HARS2: variants seen among roughly 807,000 people sequenced by gnomAD.
HARS2 encodes the protein histidyl-tRNA synthetase 2, mitochondrial.
HARS2 carries 40 observed loss-of-function variants against 62.4 expected under a neutral mutation model. The observed-to-expected ratio is 0.64, with a 90% CI of 0.50 to 0.83. The LOEUF (loss-of-function observed/expected upper bound fraction) is 0.83. HARS2 is among the 40% of genes least tolerant of loss of function. The probability of loss-of-function intolerance (pLI) is 0.00; values close to 1 mark genes in which losing one functional copy is unlikely to be tolerated. For synonymous variants in HARS2, 228 were observed against 227.0 expected (o/e 1.00, Z -0.04); for missense variants, 569 against 626.4 (o/e 0.91, Z 0.98).
chr5:140,698,314 C>T (rs2149857809), intron 12 of HARS2, among the ~76,000 whole-genome samples, 179 bp from the exon 13 acceptor site: 1 of 152,298 alleles, frequency 6.6e-6, no homozygotes, highest in Non-Finnish European at 1.5e-5. Flanking sequence ...AGACATAGAT[C>T]AGGTGTTTGA....
intron 12 of HARS2, 93 bp from the exon 13 acceptor site, chr5:140,698,400 G>A: frequency 2.1e-6 from 2 of 951,062 alleles, no homozygotes; most frequent in Non-Finnish European, 3.5e-6. Context: ...AGTAATGGGA[G>A]AAGATGCAGA....
intron 8 of HARS2, 104 bp from the exon 9 acceptor site, chr5:140,696,828 CTTTTTTTTTTT>C (rs373912206): frequency 1.1e-5 from 7 of 656,542 alleles, no homozygotes; most frequent in African/African-American, 6.9e-5. Context: ...AGACTGGGAT[CTTTTTTTTTTT>C]TTTTTTTTTT....
intron 10 of HARS2, 26 bp downstream of exon 10, chr5:140,697,432 G>C (rs905126529): frequency 6.2e-7 from 1 of 1,613,598 alleles, no homozygotes; most frequent in Non-Finnish European, 8.5e-7. Flanking sequence ...GTGTGAGGTG[G>C]GGCTGGAGAC....
chr5:140,698,616 T>A lies in HARS2; in HGVS notation c.*64T>A. ...GGTTTCCTCTAGAACTGAATTCCTC[T>A]GGAATTGAGTGATGGACTTCACAAC... On this transcript the variant is annotated 3_prime_UTR_variant, in exon 13 of 13. Coordinates refer to ENST00000230771, the MANE Select transcript of HARS2 (RefSeq NM_012208.4). 8.3e-6 allele frequency: 10 copies of A among 1,209,708 alleles called. No homozygotes were observed. Among genetic ancestry groups the A allele is most frequent in the Non-Finnish European group, 9.9e-6 (8 of 809,960 alleles). The allele number at this position is 1,209,708 out of a possible 1,614,324, so 74.9% of individuals were successfully genotyped here.
At position 140,693,898 on chromosome 5, in the gene HARS2, T is replaced by C. The variant is rs368453790; in HGVS notation, c.184-37T>C. ...CCTTGTCTGAAATGGACTTATTTTT[T>C]GTTTTTGTTTTCACTATGGCTGCTT... is the stretch of plus-strand genomic sequence containing the variant. On this transcript the variant is annotated intron_variant, in intron 2 of 12. Coordinates refer to ENST00000230771, the MANE Select transcript of HARS2 (RefSeq NM_012208.4). The C allele has an allele frequency of 2.5e-6, 4 of 1,613,222 alleles. No individual in the cohort carries two copies. The African/African-American group carries it at 5.3e-5, about 22-fold the overall frequency.
chr5:140,693,806 C>G, intron 2 of HARS2, 129 bp from the exon 3 acceptor site: 1 of 1,251,606 alleles, frequency 8.0e-7, no homozygotes, highest in East Asian at 2.3e-5. Context: ...AGGTGCGGCT[C>G]AGAGTCATTT....
chr5:140,697,241 C>G lies in HARS2; in HGVS notation c.1032C>G (p.Thr344=). ...TCTATGAAGCAGTGCTGCTGCAGACCCCAACTCAGGCTGGGGAGGAGCCCC... is the reference window on the plus strand; with the variant it reads ...TCTATGAAGCAGTGCTGCTGCAGACGCCAACTCAGGCTGGGGAGGAGCCCC... The part of the protein sequence containing the change: ...GVIYEAVLLQ[T]PTQAGEEPLN... The change falls in exon 10 of 13, where the codon ACC becomes ACG. Residue 344 remains threonine, a synonymous_variant. Transcript: ENST00000230771. The G allele has an allele frequency of 1.2e-6, 2 of 1,614,124 alleles. No homozygotes were observed. Among genetic ancestry groups the G allele is most frequent in the South Asian group, 1.1e-5 (1 of 91,078 alleles).
chr5:140,695,639 T>G lies in HARS2; in HGVS notation c.525+6T>G, dbSNP rs1265066200. On this transcript the variant is annotated splice_donor_region_variant and intron_variant, in intron 5 of 12. Coordinates refer to ENST00000230771, the MANE Select transcript of HARS2 (RefSeq NM_012208.4). The stretch of plus-strand genomic sequence containing the variant: ...ATAGGGAGTTCTGCCAGTGTGTAAG[T>G]GACCTGATGGGAGCAGCACAGTTTG... 1 of 1,614,206 alleles carries G rather than the reference T, an allele frequency of 6.2e-7. No homozygotes were observed. Among genetic ancestry groups the G allele is most frequent in the Non-Finnish European group, 8.5e-7 (1 of 1,180,028 alleles).
At position 140,697,253 on chromosome 5, in the gene HARS2, T is replaced by A. The variant is rs752027850; in HGVS notation, c.1044T>A (p.Ala348=). The change falls in exon 10 of 13, where the codon GCT becomes GCA. Residue 348 remains alanine (A), a synonymous_variant. Transcript: ENST00000230771. ...TGCTGCTGCAGACCCCAACTCAGGC[T>A]GGGGAGGAGCCCCTGAATGTGGGCA... is the stretch of plus-strand genomic sequence containing the variant. ...EAVLLQTPTQ[A]GEEPLNVGSV... 5 of 1,614,156 alleles carry A rather than the reference T, an allele frequency of 3.1e-6. No individual in the cohort carries two copies. Among genetic ancestry groups the A allele is most frequent in the Middle Eastern group, 1.6e-4 (1 of 6,062 alleles).
intron 1 of HARS2, chr5:140,693,348 A>T (rs1005518651): frequency 1.7e-5 from 12 of 697,520 alleles, no homozygotes; most frequent in Admixed American, 2.9e-5. Flanking sequence ...AAAAAAAAAA[A>T]TCCATATACA....
chr5:140,691,988 T>G, intron 1 of HARS2: 3 of 588,364 alleles, frequency 5.1e-6, no homozygotes, highest in Non-Finnish European at 9.1e-6. Flanking sequence ...GGCTGCAAGA[T>G]TAAATGAATG....
intron 9 of HARS2, 30 bp downstream of exon 9, chr5:140,697,100 T>G: frequency 1.2e-6 from 2 of 1,614,188 alleles, no homozygotes; most frequent in South Asian, 2.2e-5. Context: ...GACCTCCTGC[T>G]GAGCTCTAGG....
chr5:140,699,098 C>A lies in HARS2; in HGVS notation c.*546C>A. 1 of 191,104 alleles carries A rather than the reference C, an allele frequency of 5.2e-6. No individual in the cohort carries two copies. Among genetic ancestry groups the A allele is most frequent in the Non-Finnish European group, 1.1e-5 (1 of 90,570 alleles). The allele number at this position is 191,104 out of a possible 1,614,324, so 11.8% of individuals were successfully genotyped here. ...ATGTTGATTTGACATCTCTCTAGCC[C>A]ATCCATTGCTTACAGTAGAAGAGTG... On this transcript the variant is annotated 3_prime_UTR_variant, in exon 13 of 13. Coordinates refer to ENST00000230771, the MANE Select transcript of HARS2 (RefSeq NM_012208.4).
At chr5:140,691,787 C>T in intron 1 of HARS2, 31 bp downstream of exon 1, 1 of 1,413,946 alleles carries the variant, frequency 7.1e-7, no homozygotes, top group Non-Finnish European at 9.8e-7. Flanking sequence ...TCTGGTCTGT[C>T]CCAGCAGGGT....
intron 8 of HARS2, 139 bp downstream of exon 8, chr5:140,696,753 A>G: frequency 1.1e-6 from 1 of 892,150 alleles, no homozygotes; most frequent in Non-Finnish European, 1.9e-6. Context: ...TCTTTTACTT[A>G]TTGTAACGAC....
chr5:140,698,937 A>G lies in HARS2; in HGVS notation c.*385A>G, dbSNP rs190978152. On this transcript the variant is annotated 3_prime_UTR_variant, in exon 13 of 13. Transcript: ENST00000230771. ...AGATACTTAGCCTTCTACTGTAGCT[A>G]CGGAACCAGATTCTGGTGAATTTGT... 6.7e-6 allele frequency: 2 copies of G among 300,238 alleles called. No individual in the cohort carries two copies. Among genetic ancestry groups the G allele is most frequent in the East Asian group, 1.6e-4 (2 of 12,242 alleles). The allele number at this position is 300,238 out of a possible 1,614,324, so 18.6% of individuals were successfully genotyped here.
Position 140,691,752 on chromosome 5 carries a change from G to A in HARS2, c.104G>A (p.Ser35Asn), listed in dbSNP as rs1230696722. 1 of 1,547,626 alleles carries A rather than the reference G, an allele frequency of 6.5e-7. No individual in the cohort carries two copies. Among genetic ancestry groups the A allele is most frequent in the Non-Finnish European group, 8.7e-7 (1 of 1,143,650 alleles). Reference protein sequence around the residue: ...ASCTGAVRCQSQVAEAVLTSQ... With the variant: ...ASCTGAVRCQNQVAEAVLTSQ... ...TGCACCGGGGCGGTCCGTTGCCAAA[G>A]CCAGGTGAGCGAGACAGAATTATCT... Residue 35 changes from serine (S) to asparagine (N), a missense_variant, in exon 1 of 13, where the codon AGC (serine) becomes AAC (asparagine). Coordinates refer to ENST00000230771, the MANE Select transcript of HARS2 (RefSeq NM_012208.4).
chr5:140,693,578 A>G lies in HARS2; in HGVS notation c.109-13A>G. 1.2e-6 allele frequency: 2 copies of G among 1,614,084 alleles called. No homozygotes were observed. The highest frequency in any genetic ancestry group is 1.3e-5 in the African/African-American group (1 of 75,034). The stretch of plus-strand genomic sequence containing the variant: ...TCCAGAGAAGCCACATCTCACATTC[A>G]TTCTTCTGCCAGGTTGCAGAGGCAG... On this transcript the variant is annotated splice_polypyrimidine_tract_variant and intron_variant, in intron 1 of 12. Coordinates refer to ENST00000230771, the MANE Select transcript of HARS2 (RefSeq NM_012208.4).
Position 140,697,208 on chromosome 5 carries a change from A to T in HARS2, c.999A>T (p.Thr333=). The change falls in exon 10 of 13, where the codon ACA becomes ACT. Residue 333 remains threonine, a synonymous_variant. Transcript: ENST00000230771. The stretch of plus-strand genomic sequence containing the variant: ...TGGCTCGGGGCCTAGACTACTATAC[A>T]GGAGTGATCTATGAAGCAGTGCTGC... ...LSLARGLDYY[T]GVIYEAVLLQ... 6.2e-7 allele frequency: 1 copy of T among 1,614,162 alleles called. No homozygotes were observed. Among genetic ancestry groups the T allele is most frequent in the Non-Finnish European group, 8.5e-7 (1 of 1,180,028 alleles).
Sources: gnomAD v4.1 joint callset for allele counts (sites outside exome capture counted in the v4.1 genomes callset) on GRCh38, gnomAD v4.1.1 for gene constraint, MANE v1.5 for transcripts, NCBI Gene and HGNC (gene_info 2026-07-23, HGNC 2026-07-21) for gene names.